The following SNX7 variants were observed in gnomAD, a reference collection of about 807,000 sequenced individuals.
SNX7 encodes the protein sorting nexin 7, also known as sorting nexin-7.
In SNX7, 35 loss-of-function variants were observed where a neutral mutation model predicts 48.4. That is an observed-to-expected ratio of 0.72 (90% CI 0.55 to 0.96). SNX7 has a LOEUF of 0.96. SNX7 is among the 40% of genes least tolerant of loss of function. SNX7 has a pLI of 0.00. For synonymous variants in SNX7, 190 were observed against 190.2 expected, an observed-to-expected ratio of 1.00 and a Z score of 0.01; for missense variants, 553 against 548.9, an observed-to-expected ratio of 1.01 and a Z score of -0.07.
chr1:98,754,312 G>T (rs1654738475), intron 8 of SNX7, among the ~76,000 whole-genome samples: 1 of 151,868 alleles, frequency 6.6e-6, no homozygotes, highest in Non-Finnish European at 1.5e-5. Context: ...GAGGAATAAT[G>T]GTCTGTAGTT....
chr1:98,740,662 GATTGA>G (rs746309671), intron 8 of SNX7, among the ~76,000 whole-genome samples: 7 of 151,892 alleles, frequency 4.6e-5, no homozygotes, highest in African/African-American at 1.2e-4. Context: ...CAGTCTCATT[GATTGA>G]ATTCAGTTTA....
At chr1:98,717,933 A>G (rs1446205206) in intron 7 of SNX7, among the ~76,000 whole-genome samples, 1 of 152,044 alleles carries the variant, frequency 6.6e-6, no homozygotes, top group East Asian at 1.9e-4. Context: ...AAAGACATAT[A>G]TCCGTGAAAT....
In SNX7 at chr1:98,698,882, G is replaced by T. The variant is rs746649646; in HGVS notation, c.1015G>T (p.Val339Leu). 35 of 1,613,456 alleles carry T rather than the reference G, an allele frequency of 2.2e-5. 2 individuals are homozygous for T. The highest frequency in any genetic ancestry group is 5.1e-6 in the Non-Finnish European group (6 of 1,179,640). ...EALLPVVHEY[V>L]LYSEMLMGVM... The stretch of plus-strand genomic sequence containing the variant: ...CCTGCTTCCTGTTGTACATGAGTAC[G>T]TGCTTTATAGTGAAATGTTAATGGT... Residue 339 changes from valine (V) to leucine (L), a missense_variant, in exon 6 of 9, where the codon GTG becomes TTG. Coordinates refer to ENST00000306121, the MANE Select transcript of SNX7 (RefSeq NM_015976.5).
chr1:98,737,179 T>A (rs1653824386), intron 7 of SNX7, among the ~76,000 whole-genome samples: 1 of 152,104 alleles, frequency 6.6e-6, no homozygotes, highest in African/African-American at 2.4e-5. Context: ...GTGTTTCCTC[T>A]GCTGGGAATG....
intron 1 of SNX7, among the ~76,000 whole-genome samples, chr1:98,672,720 C>T (rs1009672714): frequency 6.7e-6 from 1 of 149,046 alleles, no homozygotes; most frequent in South Asian, 2.2e-4. Flanking sequence ...GTCAGGAGAT[C>T]GAGACCATCC....
chr1:98,691,199 A>ATT lies in SNX7; in HGVS notation c.474+23_474+24dup. ...CTGATTATTCCAGTAAGTTTGCAAA[A>ATT]TTTTTTTTTTCATAGAATAGCTACC... On this transcript the variant is annotated intron_variant, in intron 3 of 8. Coordinates refer to ENST00000306121, the MANE Select transcript of SNX7 (RefSeq NM_015976.5). The ATT allele has an allele frequency of 8.7e-6, 13 of 1,501,402 alleles. No individual in the cohort carries two copies. The highest frequency in any genetic ancestry group is 3.8e-5 in the South Asian group (3 of 78,402). 93.0% of individuals were successfully genotyped at this position (1,501,402 alleles called of 1,614,324 possible).
At chr1:98,696,161 T>C (rs536957193) in intron 5 of SNX7, among the ~76,000 whole-genome samples, 1 of 152,120 alleles carries the variant, frequency 6.6e-6, no homozygotes. Context: ...CCTCTTTTCC[T>C]ATTTTCTTTT....
At chr1:98,682,937 A>G (rs1002048942) in intron 1 of SNX7, among the ~76,000 whole-genome samples, 7 of 152,260 alleles carry the variant, frequency 4.6e-5, no homozygotes, top group Admixed American at 3.3e-4. Flanking sequence ...TTTGGTTCAC[A>G]TAGTAGGACA....
chr1:98,691,631 C>G lies in SNX7; in HGVS notation c.571C>G (p.Arg191Gly). The G allele has an allele frequency of 5.0e-6, 8 of 1,610,530 alleles. No homozygotes were observed. The highest frequency in any genetic ancestry group is 6.8e-6 in the Non-Finnish European group (8 of 1,178,000). ...RRKALHKFLN[R>G]IADHPTLTFN... Reference sequence around the variant, plus strand: ...GAAGGCTTTACATAAATTTTTGAACCGAATTGCTGATCATCCAACTTTAAC... The same window carrying G: ...GAAGGCTTTACATAAATTTTTGAACGGAATTGCTGATCATCCAACTTTAAC... The change falls in exon 4 of 9, where the codon CGA becomes GGA. Residue 191 changes from arginine to glycine, a missense_variant. Transcript: ENST00000306121.
intron 7 of SNX7, among the ~76,000 whole-genome samples, chr1:98,727,309 A>G (rs1287465837): frequency 2.0e-5 from 3 of 152,200 alleles, no homozygotes; most frequent in Non-Finnish European, 4.4e-5. Flanking sequence ...TAAAAGAAAA[A>G]CAAACAGCAG....
At chr1:98,714,679 G>A (rs1413339114) in intron 7 of SNX7, among the ~76,000 whole-genome samples, 1 of 152,128 alleles carries the variant, frequency 6.6e-6, no homozygotes, top group African/African-American at 2.4e-5. Context: ...GGAAGAAGGA[G>A]GAAAAGCCAT....
At chr1:98,711,143 A>G (rs993119469) in intron 7 of SNX7, among the ~76,000 whole-genome samples, 2 of 152,172 alleles carry the variant, frequency 1.3e-5, no homozygotes, top group South Asian at 4.1e-4. Flanking sequence ...CAGCCTCCCA[A>G]GTAGTGGGGA....
At chr1:98,752,047 G>A (rs752926112) in intron 8 of SNX7, among the ~76,000 whole-genome samples, 20 of 152,002 alleles carry the variant, frequency 1.3e-4, no homozygotes, top group Non-Finnish European at 2.2e-4. Flanking sequence ...AAAAAAAATT[G>A]ATGACAATGC....
chr1:98,759,167 A>G (rs1251416196), intron 8 of SNX7, among the ~76,000 whole-genome samples: 1 of 151,898 alleles, frequency 6.6e-6, no homozygotes, highest in African/African-American at 2.4e-5. Context: ...CCAGCTTTGG[A>G]GTGTTTATGT....
intron 8 of SNX7, among the ~76,000 whole-genome samples, chr1:98,750,283 C>T (rs1456629028): frequency 6.6e-6 from 1 of 151,914 alleles, no homozygotes; most frequent in Non-Finnish European, 1.5e-5. Context: ...GCGATATCAA[C>T]TTGTTATGTA....
chr1:98,696,234 A>G (rs1356276374), intron 5 of SNX7, among the ~76,000 whole-genome samples: 2 of 150,620 alleles, frequency 1.3e-5, no homozygotes, highest in Non-Finnish European at 3.0e-5. Context: ...TCACGTGATG[A>G]TTTTTTCCCC....
chr1:98,707,217 A>G (rs764324802), intron 7 of SNX7, among the ~76,000 whole-genome samples: 1 of 152,212 alleles, frequency 6.6e-6, no homozygotes, highest in Non-Finnish European at 1.5e-5. Context: ...TCATTGCACC[A>G]GTAAGATTAA....
intron 1 of SNX7, among the ~76,000 whole-genome samples, chr1:98,666,339 A>G (rs977261517): frequency 6.6e-6 from 1 of 152,220 alleles, no homozygotes; most frequent in East Asian, 1.9e-4. Context: ...AACCAGTCAG[A>G]CCTGGAGCTG....
intron 8 of SNX7, among the ~76,000 whole-genome samples, chr1:98,744,256 A>G (rs932675434): frequency 6.6e-6 from 1 of 152,054 alleles, no homozygotes; most frequent in Admixed American, 6.6e-5. Flanking sequence ...TCTCAAAATC[A>G]TACACTCTAA....
Sources: gnomAD v4.1 joint callset for allele counts (sites outside exome capture counted in the v4.1 genomes callset) on GRCh38, gnomAD v4.1.1 for gene constraint, MANE v1.5 for transcripts, NCBI Gene and HGNC (gene_info 2026-07-23, HGNC 2026-07-21) for gene names.